ESCO1: variants seen among roughly 807,000 people sequenced by gnomAD.
ESCO1 encodes the protein N-acetyltransferase ESCO1.
ESCO1 carries 33 observed loss-of-function variants against 83.5 expected under a neutral mutation model. That is an observed-to-expected ratio of 0.40 (90% CI 0.30 to 0.53). The LOEUF is 0.53. Ranked by LOEUF, ESCO1 falls within the 20% of genes least tolerant of loss-of-function variation. ESCO1 has a pLI of 0.63. For missense variants in ESCO1, 855 were observed against 968.0 expected, an observed-to-expected ratio of 0.88 and a Z score of 1.55; for synonymous variants, 332 against 324.3, an observed-to-expected ratio of 1.02 and a Z score of -0.25.
Position 21,574,614 on chromosome 18 carries a change from T to A in ESCO1, c.230A>T (p.Asp77Val). 6.2e-7 allele frequency: 1 copy of A among 1,614,086 alleles called. No homozygotes were observed. The highest frequency in any genetic ancestry group is 8.5e-7 in the Non-Finnish European group (1 of 1,180,010). ...TTTATTAATGGATTTAGTAGCTTTA[T>A]CATTAGATGCTGCCTTTGATGACCT... ...STRSSKAASN[D>V]KATKSINKNT... is the part of the protein sequence containing the mutation. The change falls in exon 4 of 12, where the codon GAT (aspartate) becomes GTT (valine). Residue 77 changes from aspartate to valine, a missense_variant. Asp to Val is a radical substitution (Grantham distance 152). Coordinates refer to ENST00000269214, the MANE Select transcript of ESCO1 (RefSeq NM_052911.3).
At chr18:21,573,249 T>C in intron 4 of ESCO1, 65 bp downstream of exon 4, 1 of 1,413,932 alleles carries the variant, frequency 7.1e-7, no homozygotes, top group Non-Finnish European at 9.5e-7. Context: ...TGCTAAAATG[T>C]TATAAAGACA....
chr18:21,567,066 A>G (rs929588180), intron 5 of ESCO1, among the ~76,000 whole-genome samples: 1 of 152,212 alleles, frequency 6.6e-6, no homozygotes, highest in Non-Finnish European at 1.5e-5. Context: ...GCAGAGAAAC[A>G]ACAGGAATTA....
At chr18:21,543,195 C>T (rs1483579294) in intron 8 of ESCO1, among the ~76,000 whole-genome samples, 3 of 152,184 alleles carry the variant, frequency 2.0e-5, no homozygotes, top group Non-Finnish European at 2.9e-5. Context: ...AATCTTGTTG[C>T]CCAGGCTGGA....
chr18:21,550,237 T>C (rs572147890), intron 8 of ESCO1, among the ~76,000 whole-genome samples: 8 of 152,328 alleles, frequency 5.3e-5, no homozygotes, highest in African/African-American at 1.7e-4. Context: ...CTTAACGTAA[T>C]TGGGAGAACT....
intron 11 of ESCO1, among the ~76,000 whole-genome samples, chr18:21,531,158 C>A (rs2037762088): frequency 6.6e-6 from 1 of 152,124 alleles, no homozygotes; most frequent in Admixed American, 6.5e-5. Context: ...AAATTAAATA[C>A]TTGCCAGGCA....
At chr18:21,538,150 G>T (rs2037859519) in intron 9 of ESCO1, among the ~76,000 whole-genome samples, 1 of 151,926 alleles carries the variant, frequency 6.6e-6, no homozygotes, top group South Asian at 2.1e-4. Context: ...AAGTTTTGGG[G>T]GAATCAAAAG....
chr18:21,578,047 A>C (rs1027236133), intron 2 of ESCO1, among the ~76,000 whole-genome samples: 8 of 152,130 alleles, frequency 5.3e-5, no homozygotes, highest in African/African-American at 1.7e-4. Flanking sequence ...AATCGCTAAG[A>C]CACACACACA....
Position 21,574,153 on chromosome 18 carries a change from T to C in ESCO1, c.691A>G (p.Thr231Ala). The C allele has an allele frequency of 1.2e-6, 2 of 1,613,948 alleles. No homozygotes were observed. Among genetic ancestry groups the C allele is most frequent in the Non-Finnish European group, 8.5e-7 (1 of 1,180,010 alleles). The part of the protein sequence containing the change: ...TQGSEKCPQK[T>A]TRRDETKPVP... ...GGTTTCGTTTCGTCTCTTCTAGTAG[T>C]CTTCTGAGGACACTTTTCAGATCCT... The change falls in exon 4 of 12, where the codon ACT becomes GCT. Residue 231 changes from threonine (T) to alanine (A), a missense_variant. By Grantham distance (58) the Thr-to-Ala change is moderately conservative (BLOSUM62 0). This residue lies in a region of ESCO1 where 726 missense variants were observed against 699.5 expected (regional missense o/e 1.04). Coordinates refer to ENST00000269214, the MANE Select transcript of ESCO1 (RefSeq NM_052911.3).
Position 21,574,181 on chromosome 18 carries a change from C to A in ESCO1, c.663G>T (p.Thr221=), listed in dbSNP as rs140469229. 1.9e-6 allele frequency: 3 copies of A among 1,613,890 alleles called. No homozygotes were observed. The South Asian group carries it at 3.3e-5, about 18-fold the overall frequency. The part of the protein sequence containing the change: ...QTACACSSQC[T]QGSEKCPQKT... ...TCTGAGGACACTTTTCAGATCCTTGCGTGCATTGAGAACTACAAGCACAAG... is the reference window on the plus strand; with the variant it reads ...TCTGAGGACACTTTTCAGATCCTTGAGTGCATTGAGAACTACAAGCACAAG... The change falls in exon 4 of 12, where the codon ACG becomes ACT. Residue 221 remains threonine (T), a synonymous_variant. Coordinates refer to ENST00000269214, the MANE Select transcript of ESCO1 (RefSeq NM_052911.3).
intron 2 of ESCO1, among the ~76,000 whole-genome samples, chr18:21,578,602 C>A (rs1052298154): frequency 4.6e-5 from 7 of 151,996 alleles, no homozygotes; most frequent in African/African-American, 1.7e-4. Flanking sequence ...GTCTATAATC[C>A]CAGCTACTCT....
chr18:21,557,053 G>A (rs191494734), intron 8 of ESCO1, among the ~76,000 whole-genome samples: 115 of 152,168 alleles, frequency 7.6e-4, no homozygotes, highest in African/African-American at 2.5e-3. Flanking sequence ...TTCTACCAAC[G>A]TCATAGTAAT....
At chr18:21,555,891 T>C (rs1293642452) in intron 8 of ESCO1, among the ~76,000 whole-genome samples, 1 of 151,974 alleles carries the variant, frequency 6.6e-6, no homozygotes, top group African/African-American at 2.4e-5. Context: ...GCCCAGGAGT[T>C]TGAGGTTACA....
Position 21,578,500 on chromosome 18 carries a change from GA to G in ESCO1, c.-693-2724del, listed in dbSNP as rs918623240. The stretch of plus-strand genomic sequence containing the variant: ...AGAGAATAGAAAAAAAGCACTGGGG[GA>G]AAAAAAATCAAGAATTCAAGAAATT... On this transcript the variant is annotated intron_variant, in intron 2 of 11. Transcript: ENST00000269214. Among the ~76,000 whole-genome samples the G allele has an allele frequency of 1.6e-4, 25 of 151,544 alleles. 1 individual carries two copies. The highest frequency in any genetic ancestry group is 5.1e-4 in the African/African-American group (21 of 41,324).
intron 1 of ESCO1, among the ~76,000 whole-genome samples, chr18:21,592,199 C>T (rs1005389978): frequency 2.7e-5 from 4 of 148,928 alleles, no homozygotes; most frequent in South Asian, 2.2e-4. Context: ...ACCTCCCAGA[C>T]GGGGTGGTGG....
intron 5 of ESCO1, among the ~76,000 whole-genome samples, chr18:21,567,577 T>G (rs985401057): frequency 6.6e-6 from 1 of 151,964 alleles, no homozygotes; most frequent in African/African-American, 2.4e-5. Flanking sequence ...AATTTAGAGA[T>G]AGGATCATTC....
intron 8 of ESCO1, among the ~76,000 whole-genome samples, chr18:21,541,320 G>A (rs2037903127): frequency 6.6e-6 from 1 of 152,050 alleles, no homozygotes; most frequent in South Asian, 2.1e-4. Context: ...GAAACTTAAG[G>A]CCGGGTGCAG....
intron 1 of ESCO1, among the ~76,000 whole-genome samples, chr18:21,589,838 T>C (rs1202125572): frequency 1.8e-5 from 2 of 113,136 alleles, no homozygotes; most frequent in South Asian, 2.8e-4. Flanking sequence ...CCGTCTTTTT[T>C]TTCCTCTCTT....
chr18:21,558,751 T>G (rs1352243387), intron 8 of ESCO1, among the ~76,000 whole-genome samples: 2 of 150,980 alleles, frequency 1.3e-5, no homozygotes, highest in African/African-American at 4.9e-5. Flanking sequence ...AAAAAAAACT[T>G]GTTTTAAGTA....
chr18:21,575,237 G>A lies in ESCO1; in HGVS notation c.-394C>T, dbSNP rs1482334955. 1 of 385,638 alleles carries A rather than the reference G, an allele frequency of 2.6e-6. No individual in the cohort carries two copies. Among genetic ancestry groups the A allele is most frequent in the African/African-American group, 2.1e-5 (1 of 48,350 alleles). 23.9% of individuals were successfully genotyped at this position (385,638 alleles called of 1,614,324 possible). ...TGGAGGAGTTATTTATCAGTGACCT[G>A]TTTTGATAAAATTTTTGAAAACTTT... On this transcript the variant is annotated 5_prime_UTR_variant, in exon 4 of 12. It introduces an in-frame stop codon into an upstream open reading frame of the 5' UTR. Coordinates refer to ENST00000269214, the MANE Select transcript of ESCO1 (RefSeq NM_052911.3).
Sources: gnomAD v4.1 joint callset for allele counts (sites outside exome capture counted in the v4.1 genomes callset) on GRCh38, gnomAD v4.1.1 for gene constraint, gnomAD v4.1.1 regional missense constraint, MANE v1.5 for transcripts, NCBI Gene and HGNC (gene_info 2026-07-23, HGNC 2026-07-21) for gene names.